DPP10: variants seen among roughly 807,000 people sequenced by gnomAD.
The protein encoded by DPP10 is dipeptidyl peptidase like 10.
Under a neutral mutation model 120.9 loss-of-function variants are expected in DPP10, and 33 were observed. That is an observed-to-expected ratio of 0.27 (90% CI 0.21 to 0.37). The LOEUF (loss-of-function observed/expected upper bound fraction) is 0.37, where lower values mean the gene tolerates loss of function less well. DPP10 is among the 10% of genes least tolerant of loss of function. The probability of loss-of-function intolerance (pLI) is 1.00; values close to 1 mark genes in which losing one functional copy is unlikely to be tolerated. For missense variants in DPP10, 816 were observed against 942.8 expected (o/e 0.87, Z 1.76); for synonymous variants, 337 against 326.1 (o/e 1.03, Z -0.36).
At chr2:114,874,524 C>T (rs917308005) in intron 1 of DPP10, among the ~76,000 whole-genome samples, 1 of 151,948 alleles carries the variant, frequency 6.6e-6, no homozygotes, top group African/African-American at 2.4e-5. Context: ...TCTACCATCA[C>T]CCACAGATGG....
intron 8 of DPP10, among the ~76,000 whole-genome samples, chr2:115,732,448 G>T (rs576837902): frequency 2.6e-5 from 4 of 152,008 alleles, no homozygotes; most frequent in Non-Finnish European, 5.9e-5. Flanking sequence ...GCAATATAAA[G>T]TATAATGCAT....
At chr2:114,601,237 GT>G (rs2105227324) in intron 1 of DPP10, among the ~76,000 whole-genome samples, 1 of 151,980 alleles carries the variant, frequency 6.6e-6, no homozygotes, top group South Asian at 2.1e-4. Context: ...ACTGGTTAGT[GT>G]ATTATTTTAT....
intron 5 of DPP10, among the ~76,000 whole-genome samples, chr2:115,604,068 C>T (rs893777479): frequency 2.5e-5 from 3 of 119,414 alleles, no homozygotes; most frequent in Admixed American, 9.7e-5. Flanking sequence ...GAATAAACCT[C>T]CCTTCTAGCT....
At chr2:114,596,389 C>CT (rs1691908803) in intron 1 of DPP10, among the ~76,000 whole-genome samples, 1 of 146,302 alleles carries the variant, frequency 6.8e-6, no homozygotes, top group Admixed American at 6.8e-5. Flanking sequence ...TTCTGAGGGT[C>CT]TTCGAAAAGC....
At chr2:115,201,387 C>T (rs1273091175) in intron 1 of DPP10, among the ~76,000 whole-genome samples, 5 of 152,090 alleles carry the variant, frequency 3.3e-5, no homozygotes, top group African/African-American at 7.2e-5. Context: ...TGCTGGAACC[C>T]GGGTGGCAGA....
intron 5 of DPP10, among the ~76,000 whole-genome samples, chr2:115,663,774 A>G (rs2089212395): frequency 6.6e-6 from 1 of 152,138 alleles, no homozygotes; most frequent in Non-Finnish European, 1.5e-5. Context: ...AGGCAGGCGG[A>G]TCACGAGGTC....
intron 1 of DPP10, among the ~76,000 whole-genome samples, chr2:115,088,759 A>AAAAAAAAAAAC (rs1559080154): frequency 6.7e-6 from 1 of 149,818 alleles, no homozygotes; most frequent in African/African-American, 2.4e-5. Context: ...ACAAAAAAAA[A>AAAAAAAAAAAC]AAAAAAAAAA....
intron 1 of DPP10, among the ~76,000 whole-genome samples, chr2:114,737,515 A>G (rs1378527708): frequency 6.6e-6 from 1 of 152,212 alleles, no homozygotes; most frequent in Non-Finnish European, 1.5e-5. Flanking sequence ...ATGGAAAGGG[A>G]ATTCTGTACA....
At chr2:114,598,850 G>A (rs1002304635) in intron 1 of DPP10, among the ~76,000 whole-genome samples, 1 of 151,796 alleles carries the variant, frequency 6.6e-6, no homozygotes, top group Non-Finnish European at 1.5e-5. Flanking sequence ...AATAAACACT[G>A]TTGGTATAAT....
At chr2:114,559,375 A>G (rs1688573420) in intron 1 of DPP10, among the ~76,000 whole-genome samples, 2 of 152,184 alleles carry the variant, frequency 1.3e-5, no homozygotes, top group South Asian at 4.1e-4. Flanking sequence ...AACAACCCCT[A>G]GAAGTCAGAA....
intron 5 of DPP10, among the ~76,000 whole-genome samples, chr2:115,586,518 GC>G (rs2082300215): frequency 6.6e-6 from 1 of 152,104 alleles, no homozygotes; most frequent in African/African-American, 2.4e-5. Flanking sequence ...TTGAAAAAAT[GC>G]CTTATTACAC....
intron 1 of DPP10, among the ~76,000 whole-genome samples, chr2:114,823,104 T>C (rs549764002): frequency 6.6e-6 from 1 of 152,314 alleles, no homozygotes; most frequent in African/African-American, 2.4e-5. Flanking sequence ...ACTGTATTAC[T>C]TCTCACATTG....
At chr2:115,590,628 ACG>A (rs1307892865) in intron 5 of DPP10, among the ~76,000 whole-genome samples, 2,247 of 152,334 alleles carry the variant, frequency 0.015, 54 homozygotes, top group African/African-American at 0.052. Context: ...CAATAAACAT[ACG>A]TGTGAATGTG....
chr2:115,591,763 G>A (rs965614702), intron 5 of DPP10, among the ~76,000 whole-genome samples: 13 of 152,056 alleles, frequency 8.5e-5, no homozygotes, highest in African/African-American at 1.7e-4. Context: ...CCATTTTCAC[G>A]ATATTAATTC....
chr2:115,189,095 T>C (rs2054675903), intron 1 of DPP10, among the ~76,000 whole-genome samples: 1 of 152,198 alleles, frequency 6.6e-6, no homozygotes. Context: ...AACATAAATT[T>C]AATTTTCTCA....
chr2:114,707,938 G>A (rs924265914), intron 1 of DPP10, among the ~76,000 whole-genome samples: 1 of 152,100 alleles, frequency 6.6e-6, no homozygotes, highest in Non-Finnish European at 1.5e-5. Flanking sequence ...TTCTACAAAG[G>A]TTTCTAAGTG....
intron 1 of DPP10, among the ~76,000 whole-genome samples, chr2:115,257,040 G>A (rs1360570202): frequency 6.6e-6 from 1 of 152,198 alleles, no homozygotes; most frequent in African/African-American, 2.4e-5. Context: ...GTTCCCAGTA[G>A]GTGCCTTACT....
At chr2:114,722,943 T>G (rs1701800320) in intron 1 of DPP10, among the ~76,000 whole-genome samples, 2 of 152,068 alleles carry the variant, frequency 1.3e-5, no homozygotes, top group African/African-American at 4.8e-5. Context: ...AAAATTTTTT[T>G]CAGTCCAGCT....
chr2:115,289,397 T>C lies in DPP10; in HGVS notation c.61-19842T>C, dbSNP rs189316717. ...CCATACTGTCCAAAGCAATCTACTT[T>C]GGACAAAGATTCAGTGTGATTCTTA... On this transcript the variant is annotated intron_variant, in intron 1 of 25. Transcript: ENST00000410059. Among the ~76,000 whole-genome samples, 34 of 150,008 alleles carry C rather than the reference T, an allele frequency of 2.3e-4. No individual in the cohort carries two copies. In the East Asian group the frequency reaches 6.7e-3, roughly 30 times the overall value.
Sources: gnomAD v4.1 joint callset for allele counts (sites outside exome capture counted in the v4.1 genomes callset) on GRCh38, gnomAD v4.1.1 for gene constraint, MANE v1.5 for transcripts, NCBI Gene and HGNC (gene_info 2026-07-23, HGNC 2026-07-21) for gene names.